HIBADH: variants seen among roughly 807,000 people sequenced by gnomAD.
HIBADH encodes 3-hydroxyisobutyrate dehydrogenase, mitochondrial.
HIBADH carries 25 observed loss-of-function variants against 36.1 expected under a neutral mutation model. The ratio of observed to expected loss-of-function variants is 0.69; its 90% CI spans 0.50 to 0.97. The LOEUF (loss-of-function observed/expected upper bound fraction) is 0.97. Among genes scored for constraint, HIBADH ranks in the 50% least tolerant of loss-of-function variants. HIBADH has a pLI of 0.00. For missense variants in HIBADH, 421 were observed against 418.0 expected, an observed-to-expected ratio of 1.01 and a Z score of -0.06; for synonymous variants, 160 against 149.5, an observed-to-expected ratio of 1.07 and a Z score of -0.51.
intron 1 of HIBADH, among the ~76,000 whole-genome samples, chr7:27,659,867 A>C (rs1019615307): frequency 2.6e-5 from 4 of 152,210 alleles, no homozygotes; most frequent in Admixed American, 1.3e-4. Context: ...AGACCAGCGT[A>C]GTAGGCAACT....
At chr7:27,615,266 C>A (rs1397904538) in intron 4 of HIBADH, among the ~76,000 whole-genome samples, 1 of 152,136 alleles carries the variant, frequency 6.6e-6, no homozygotes, top group Non-Finnish European at 1.5e-5. Context: ...GAAGGTGTGA[C>A]ATAGTGTGGG....
chr7:27,541,346 TC>T (rs1784148836), intron 5 of HIBADH, among the ~76,000 whole-genome samples: 1 of 152,188 alleles, frequency 6.6e-6, no homozygotes, highest in Non-Finnish European at 1.5e-5. Context: ...GGCATTAAAT[TC>T]TCCAGCTTTA....
intron 2 of HIBADH, among the ~76,000 whole-genome samples, chr7:27,635,376 GAC>G (rs994412856): frequency 9.9e-5 from 15 of 152,188 alleles, no homozygotes; most frequent in Non-Finnish European, 1.6e-4. Flanking sequence ...GATAAGCAAA[GAC>G]AGCATGGATC....
chr7:27,578,321 ATT>A (rs5883091), intron 4 of HIBADH, among the ~76,000 whole-genome samples: 93 of 147,512 alleles, frequency 6.3e-4, no homozygotes, highest in Middle Eastern at 3.6e-3. Context: ...CAATGTTTAG[ATT>A]TTTTTTTTTT....
intron 4 of HIBADH, among the ~76,000 whole-genome samples, chr7:27,627,832 C>T (rs1785676503): frequency 6.6e-6 from 1 of 151,968 alleles, no homozygotes; most frequent in African/African-American, 2.4e-5. Flanking sequence ...TTTTTGTACA[C>T]TAAAACAACA....
At chr7:27,566,219 T>C (rs1348080852) in intron 4 of HIBADH, among the ~76,000 whole-genome samples, 1 of 152,138 alleles carries the variant, frequency 6.6e-6, no homozygotes, top group African/African-American at 2.4e-5. Flanking sequence ...CTAGAAGAAA[T>C]TGTGTAGAAC....
chr7:27,628,295 C>T (rs1785683949), intron 4 of HIBADH, among the ~76,000 whole-genome samples: 1 of 152,040 alleles, frequency 6.6e-6, no homozygotes, highest in South Asian at 2.1e-4. Context: ...GGTACCTCTA[C>T]AAGATCATTA....
chr7:27,594,808 T>A (rs1056335420), intron 4 of HIBADH, among the ~76,000 whole-genome samples: 1 of 152,082 alleles, frequency 6.6e-6, no homozygotes, highest in African/African-American at 2.4e-5. Context: ...CCCAAATACA[T>A]GCTGGAACTG....
chr7:27,647,157 A>T (rs770552011), intron 2 of HIBADH, among the ~76,000 whole-genome samples: 7 of 152,166 alleles, frequency 4.6e-5, no homozygotes, highest in African/African-American at 7.2e-5. Context: ...GTTACCTGAA[A>T]ATAAGCACGC....
intron 1 of HIBADH, among the ~76,000 whole-genome samples, chr7:27,651,018 C>T (rs1166050726): frequency 2.0e-5 from 3 of 152,118 alleles, no homozygotes; most frequent in Admixed American, 2.0e-4. Flanking sequence ...AGAGAAGTAA[C>T]TCTCCTTGCT....
intron 4 of HIBADH, among the ~76,000 whole-genome samples, chr7:27,578,025 C>T (rs1439547552): frequency 6.6e-6 from 1 of 152,156 alleles, no homozygotes; most frequent in Admixed American, 6.5e-5. Flanking sequence ...TTACTCCTCA[C>T]AGAATACTGT....
intron 2 of HIBADH, among the ~76,000 whole-genome samples, chr7:27,645,368 A>ATGGTT (rs1554300959): frequency 1.7e-5 from 1 of 59,652 alleles, no homozygotes; most frequent in African/African-American, 6.3e-5. Flanking sequence ...CATGGTTTTG[A>ATGGTT]TTTTTTTTTT....
In HIBADH at chr7:27,543,007, C is replaced by G; in HGVS notation, c.578G>C (p.Gly193Ala). Residue 193 changes from glycine (G) to alanine (A), a missense_variant, in exon 5 of 8, where the codon GGC becomes GCC. Physicochemically the swap from Gly to Ala is moderately conservative, Grantham distance 60. Coordinates refer to ENST00000265395, the MANE Select transcript of HIBADH (RefSeq NM_152740.4). ...AAAQELLGCM[G>A]SNVVYCGAVG... Reference sequence around the variant, plus strand: ...AGCTCCACAGTACACCACGTTGGAGCCCATGCACCCCAGCAACTCTTGGGC... The same window carrying G: ...AGCTCCACAGTACACCACGTTGGAGGCCATGCACCCCAGCAACTCTTGGGC... The G allele has an allele frequency of 6.2e-7, 1 of 1,613,798 alleles. No homozygotes were observed.
intron 4 of HIBADH, among the ~76,000 whole-genome samples, chr7:27,605,950 A>C (rs1027326240): frequency 6.6e-6 from 1 of 152,002 alleles, no homozygotes; most frequent in African/African-American, 2.4e-5. Context: ...ATACTAACCA[A>C]CTCTTCTGAC....
Position 27,556,846 on chromosome 7 carries a change from A to T in HIBADH, c.485-13746T>A, listed in dbSNP as rs187503544. On this transcript the variant is annotated intron_variant, in intron 4 of 7. Coordinates refer to ENST00000265395, the MANE Select transcript of HIBADH (RefSeq NM_152740.4). ...GGAGTCCTAATTGTCTTATTAAAAAATTTTTTTGGGCAGGTGCCTATAATA... is the reference window on the plus strand; with the variant it reads ...GGAGTCCTAATTGTCTTATTAAAAATTTTTTTTGGGCAGGTGCCTATAATA... Among the ~76,000 whole-genome samples, 1,019 of 152,256 alleles carry T rather than the reference A, an allele frequency of 6.7e-3. 36 individuals are homozygous for T. The highest frequency in any genetic ancestry group is 0.057 in the Admixed American group (864 of 15,282).
At position 27,526,018 on chromosome 7, in the gene HIBADH, A is replaced by G. The variant is rs1323352371; in HGVS notation, c.*196T>C. ...AGCAGAGACTATCAGTGGCTTGCAG[A>G]AAAAAAATTCGGATAATATGTTTGT... On this transcript the variant is annotated 3_prime_UTR_variant, in exon 8 of 8. Transcript: ENST00000265395. 1.0e-5 allele frequency: 4 copies of G among 396,782 alleles called. No homozygotes were observed. The highest frequency in any genetic ancestry group is 1.7e-5 in the Non-Finnish European group (4 of 232,848). The allele number at this position is 396,782 out of a possible 1,614,324, so 24.6% of individuals were successfully genotyped here.
At chr7:27,649,691 CATTT>C (rs1786143675) in intron 1 of HIBADH, 58 bp from the exon 2 acceptor site, 1 of 1,390,466 alleles carries the variant, frequency 7.2e-7, no homozygotes, top group African/African-American at 1.5e-5. Flanking sequence ...TGTAAACATT[CATTT>C]AATATTAGCA....
In HIBADH at chr7:27,526,379, C is replaced by T; in HGVS notation, c.853-7G>A. On this transcript the variant is annotated splice_polypyrimidine_tract_variant and splice_region_variant and intron_variant, in intron 7 of 7. Transcript: ENST00000265395. ...CTTGTGCCAATCCCAGATCCTAAAT[C>T]AAACAGGAGGAGAGAACACGCTGAG... 6.2e-7 allele frequency: 1 copy of T among 1,606,992 alleles called. No homozygotes were observed. Among genetic ancestry groups the T allele is most frequent in the Non-Finnish European group, 8.5e-7 (1 of 1,176,672 alleles).
At chr7:27,636,435 C>T (rs1419026589) in intron 2 of HIBADH, among the ~76,000 whole-genome samples, 3 of 152,174 alleles carry the variant, frequency 2.0e-5, no homozygotes, top group Non-Finnish European at 4.4e-5. Context: ...CTGACAAAAG[C>T]GCTTTGTGCC....
Sources: gnomAD v4.1 joint callset for allele counts (sites outside exome capture counted in the v4.1 genomes callset) on GRCh38, gnomAD v4.1.1 for gene constraint, MANE v1.5 for transcripts, NCBI Gene and HGNC (gene_info 2026-07-23, HGNC 2026-07-21) for gene names.